ZNF425: variants seen among roughly 807,000 people sequenced by gnomAD.
ZNF425 encodes the protein zinc finger protein 425.
A neutral mutation model predicts 17.0 loss-of-function variants in ZNF425; 21 were observed. The observed-to-expected ratio is 1.23, with a 90% CI of 0.88 to 1.78. The LOEUF is 1.78. Among genes scored for constraint, ZNF425 ranks in the 40% most tolerant of loss-of-function variants. The pLI is 0.00. For synonymous variants in ZNF425, 433 were observed against 384.1 expected, an observed-to-expected ratio of 1.13 and a Z score of -1.49; for missense variants, 868 against 967.3, an observed-to-expected ratio of 0.90 and a Z score of 1.36.
intron 2 of ZNF425, 105 bp downstream of exon 2, chr7:149,118,117 C>G: frequency 7.9e-7 from 1 of 1,271,448 alleles, no homozygotes; most frequent in Non-Finnish European, 1.1e-6. Context: ...TGAATGTAAA[C>G]TGGGCACAGT....
In ZNF425 at chr7:149,126,317, C is replaced by T. The variant is rs995137274; in HGVS notation, c.-104G>A. The T allele has an allele frequency of 1.8e-5, 26 of 1,483,732 alleles. No individual in the cohort carries two copies. The Admixed American group carries it at 4.5e-4, about 26-fold the overall frequency. 91.9% of individuals were successfully genotyped at this position (1,483,732 alleles called of 1,614,324 possible). On this transcript the variant is annotated 5_prime_UTR_variant, in exon 1 of 4. Coordinates refer to ENST00000378061, the MANE Select transcript of ZNF425 (RefSeq NM_001001661.3). The stretch of plus-strand genomic sequence containing the variant: ...TGCTGGCCCCCAAAGGCAGAGCCGG[C>T]CGGGCGCGGTGCATGCTGGGACTCG...
Position 149,119,601 on chromosome 7 carries a change from T to A in ZNF425, c.19-1253A>T, listed in dbSNP as rs143082167. Among the ~76,000 whole-genome samples, 90 of 152,190 alleles carry A rather than the reference T, an allele frequency of 5.9e-4. No homozygotes were observed. The Middle Eastern group carries it at 0.01, about 17-fold the overall frequency. ...AGCCTTTGTATTCACAGGTTCCACA[T>A]CCATAAATTCGACCAACCTTAGATC... On this transcript the variant is annotated intron_variant, in intron 1 of 3. Transcript: ENST00000378061.
At chr7:149,124,707 AATTTTG>A (rs1826425942) in intron 1 of ZNF425, among the ~76,000 whole-genome samples, 1 of 151,744 alleles carries the variant, frequency 6.6e-6, no homozygotes, top group African/African-American at 2.4e-5. Context: ...ATGCCAGGCT[AATTTTG>A]TATTTTTGGT....
Position 149,103,507 on chromosome 7 carries a change from T to G in ZNF425, c.*105A>C, listed in dbSNP as rs992914072. The G allele has an allele frequency of 7.1e-7, 1 of 1,400,392 alleles. No individual in the cohort carries two copies. The highest frequency in any genetic ancestry group is 1.4e-5 in the African/African-American group (1 of 69,232). 86.7% of individuals were successfully genotyped at this position (1,400,392 alleles called of 1,614,324 possible). ...TAATGGGATTACAGGCGGGAGCCACTGTGCCCGATCTTACCCTGTGAATCC... is the reference window on the plus strand; with the variant it reads ...TAATGGGATTACAGGCGGGAGCCACGGTGCCCGATCTTACCCTGTGAATCC... On this transcript the variant is annotated 3_prime_UTR_variant, in exon 4 of 4. Transcript: ENST00000378061.
intron 3 of ZNF425, among the ~76,000 whole-genome samples, chr7:149,108,190 T>C (rs12671341): frequency 0.59 from 90,191 of 151,764 alleles, 28,362 homozygotes; most frequent in East Asian, 0.9. Context: ...AGCCTACAGG[T>C]ACCCACTACC....
chr7:149,126,026 C>T, intron 1 of ZNF425, 170 bp downstream of exon 1: 1 of 1,362,002 alleles, frequency 7.3e-7, no homozygotes, highest in South Asian at 1.3e-5. Context: ...GAACAGCACA[C>T]GCAGCAAGAC....
At position 149,126,288 on chromosome 7, in the gene ZNF425, G is replaced by C; in HGVS notation, c.-75C>G. The C allele has an allele frequency of 2.6e-6, 4 of 1,550,276 alleles. No individual in the cohort carries two copies. The highest frequency in any genetic ancestry group is 3.5e-6 in the Non-Finnish European group (4 of 1,148,512). On this transcript the variant is annotated 5_prime_UTR_variant, in exon 1 of 4. Transcript: ENST00000378061. Reference sequence around the variant, plus strand: ...CGCCCCAACCCAACTCCCAGGTACAGCCCTGCTGGCCCCCAAAGGCAGAGC... The same window carrying C: ...CGCCCCAACCCAACTCCCAGGTACACCCCTGCTGGCCCCCAAAGGCAGAGC...
chr7:149,112,207 T>G lies in ZNF425; in HGVS notation c.234A>C (p.Thr78=), dbSNP rs574058599. 1 of 1,614,162 alleles carries G rather than the reference T, an allele frequency of 6.2e-7. No individual in the cohort carries two copies. The highest frequency in any genetic ancestry group is 2.2e-5 in the East Asian group (1 of 44,890). The change falls in exon 3 of 4, where the codon ACA becomes ACC. Residue 78 remains threonine, a synonymous_variant. Coordinates refer to ENST00000378061, the MANE Select transcript of ZNF425 (RefSeq NM_001001661.3). The stretch of plus-strand genomic sequence containing the variant: ...CAGTAGGAGGGCTAGTTGTCCTTCT[T>G]GTTTTATCTAAGCATCCCTGTTCGC... ...LISEQGCLDK[T]RRTTSPPTDE...
intron 1 of ZNF425, among the ~76,000 whole-genome samples, chr7:149,121,914 C>T (rs76948897): frequency 0.062 from 5,539 of 88,786 alleles, 328 homozygotes; most frequent in African/African-American, 0.17. Flanking sequence ...ATATTTTGCC[C>T]GTTTTCTTTG....
intron 1 of ZNF425, among the ~76,000 whole-genome samples, chr7:149,120,951 G>C (rs554464896): frequency 1.3e-5 from 2 of 151,928 alleles, no homozygotes; most frequent in Admixed American, 6.6e-5. Context: ...GATTTGGGGT[G>C]GGCATGTTTT....
intron 1 of ZNF425, chr7:149,125,966 A>G (rs1826460026): frequency 2.4e-6 from 2 of 835,532 alleles, no homozygotes; most frequent in African/African-American, 1.7e-5. Context: ...GGGGCCACAG[A>G]CGCGCGCGGC....
intron 3 of ZNF425, among the ~76,000 whole-genome samples, chr7:149,108,317 T>C (rs906334220): frequency 1.3e-4 from 20 of 152,314 alleles, no homozygotes; most frequent in African/African-American, 4.6e-4. Context: ...ACTCTCATTA[T>C]GCTCTGTGGT....
At chr7:149,117,044 C>T (rs371059343) in intron 2 of ZNF425, among the ~76,000 whole-genome samples, 9 of 151,924 alleles carry the variant, frequency 5.9e-5, no homozygotes, top group South Asian at 2.1e-4. Flanking sequence ...GAGCAGATCA[C>T]GAGGTCAGGA....
intron 3 of ZNF425, among the ~76,000 whole-genome samples, chr7:149,111,270 G>A (rs1026499924): frequency 4.0e-5 from 6 of 150,484 alleles, no homozygotes; most frequent in Non-Finnish European, 7.4e-5. Context: ...CCAATATGGC[G>A]AAACACTGTC....
At chr7:149,109,772 C>T (rs1003138688) in intron 3 of ZNF425, among the ~76,000 whole-genome samples, 19 of 152,044 alleles carry the variant, frequency 1.2e-4, no homozygotes, top group African/African-American at 4.1e-4. Context: ...CCTCGCCTAA[C>T]GTACTCCTGT....
At position 149,104,483 on chromosome 7, in the gene ZNF425, A is replaced by C. The variant is rs749434833; in HGVS notation, c.1388T>G (p.Leu463Arg). The C allele has an allele frequency of 1.3e-6, 2 of 1,597,910 alleles. No individual in the cohort carries two copies. The highest frequency in any genetic ancestry group is 1.1e-5 in the South Asian group (1 of 88,464). ...WRNAMRAHQR[L>R]HSEQKPFPCA... ...GGGGAAGGGCTTTTGCTCGCTGTGC[A>C]GGCGCTGGTGGGCGCGCATGGCGTT... The change falls in exon 4 of 4, where the codon CTG becomes CGG. Residue 463 changes from leucine to arginine, a missense_variant. Coordinates refer to ENST00000378061, the MANE Select transcript of ZNF425 (RefSeq NM_001001661.3). This position sits in a 1 kb window ranked among gnomAD's most constrained non-coding sequence, Gnocchi z 4.3.
chr7:149,125,755 A>C, intron 1 of ZNF425: 1 of 244,342 alleles, frequency 4.1e-6, no homozygotes, highest in East Asian at 1.5e-4. Context: ...CGATCCCACT[A>C]ACGATCAGCA....
chr7:149,104,466 G>GA lies in ZNF425; in HGVS notation c.1404_1405insT (p.Pro469SerfsTer118). On this transcript the variant is annotated frameshift_variant, in exon 4 of 4. Coordinates refer to ENST00000378061, the MANE Select transcript of ZNF425 (RefSeq NM_001001661.3). LOFTEE classifies it low-confidence loss of function (END_TRUNC). This position sits in a 1 kb window ranked among gnomAD's most constrained non-coding sequence, Gnocchi z 4.3. ...TTGCCGCACTCGGCGCAGGGGAAGG[G>GA]CTTTTGCTCGCTGTGCAGGCGCTGG... 1 of 1,598,930 alleles carries GA rather than the reference G, an allele frequency of 6.3e-7. No individual in the cohort carries two copies. The highest frequency in any genetic ancestry group is 8.5e-7 in the Non-Finnish European group (1 of 1,173,848).
chr7:149,123,858 T>C (rs12668770), intron 1 of ZNF425, among the ~76,000 whole-genome samples: 7,500 of 116,100 alleles, frequency 0.065, 187 homozygotes, highest in Middle Eastern at 0.098. Context: ...TTTTTTTTTT[T>C]CCTTTTTGAG....
Sources: gnomAD v4.1 joint callset for allele counts (sites outside exome capture counted in the v4.1 genomes callset) on GRCh38, gnomAD v4.1.1 for gene constraint, Gnocchi (gnomAD v3.1) non-coding constraint, MANE v1.5 for transcripts, NCBI Gene and HGNC (gene_info 2026-07-23, HGNC 2026-07-21) for gene names.